The following POMT1 variants were observed in gnomAD, a reference collection of about 807,000 sequenced individuals.
The protein encoded by POMT1 is protein O-mannosyl-transferase 1.
A neutral mutation model predicts 101.6 loss-of-function variants in POMT1; 85 were observed. The ratio of observed to expected loss-of-function variants is 0.84; its 90% CI spans 0.70 to 1.00. The LOEUF is 1.00. Among genes scored for constraint, POMT1 ranks in the 50% least tolerant of loss-of-function variants. POMT1 has a pLI of 0.00. For synonymous variants in POMT1, 371 were observed against 383.0 expected (o/e 0.97, Z 0.37); for missense variants, 857 against 930.4 (o/e 0.92, Z 1.03).
At chr9:131,510,984 T>G (rs1946996487) in intron 9 of POMT1, 6 of 295,068 alleles carry the variant, frequency 2.0e-5, no homozygotes, top group South Asian at 1.5e-4. Context: ...GCCAGTGCTG[T>G]AGTGCTGTGT....
chr9:131,517,770 TTTCAGGTGTCTGAAGTTCA>T (rs1200769217), intron 13 of POMT1, among the ~76,000 whole-genome samples: 1 of 152,206 alleles, frequency 6.6e-6, no homozygotes, highest in Non-Finnish European at 1.5e-5. Flanking sequence ...GGAGCCCACA[TTTCAGGTGTCTGAAGTTCA>T]TAGAACAAGG....
At chr9:131,507,759 A>G (rs1946174508) in intron 5 of POMT1, among the ~76,000 whole-genome samples, 1 of 152,150 alleles carries the variant, frequency 6.6e-6, no homozygotes, top group Non-Finnish European at 1.5e-5. Context: ...TGCTGCTGCA[A>G]AGTCCATGCA....
At chr9:131,506,769 T>C (rs971019158) in intron 4 of POMT1, 11 of 400,888 alleles carry the variant, frequency 2.7e-5, no homozygotes, top group Non-Finnish European at 4.7e-5. Flanking sequence ...CACAATGTTT[T>C]TGAAAATAGG....
chr9:131,521,072 A>G (rs1295798121), intron 17 of POMT1: 3 of 464,770 alleles, frequency 6.5e-6, no homozygotes, highest in Non-Finnish European at 1.2e-5. Context: ...CAAACTCCTG[A>G]CTTCAGGTGA....
Position 131,515,520 on chromosome 9 carries a change from C to G in POMT1, c.1270C>G (p.Leu424Val). 1 of 1,613,946 alleles carries G rather than the reference C, an allele frequency of 6.2e-7. No homozygotes were observed. The highest frequency in any genetic ancestry group is 8.5e-7 in the Non-Finnish European group (1 of 1,179,824). Residue 424 changes from leucine (L) to valine (V), a missense_variant and splice_region_variant, in exon 13 of 20, where the codon CTG becomes GTG. Physicochemically the swap from Leu to Val is conservative, Grantham distance 32 (BLOSUM62 1). Transcript: ENST00000402686. The part of the protein sequence containing the change: ...ISMPAQNLWR[L>V]EIVNRGSDTD... ...CATGCCCGCCCAGAACCTCTGGAGA[C>G]TGGTGAGTAAGGCTGCGGCTATAGC...
In POMT1 at chr9:131,510,280, G is replaced by A. The variant is rs1166488204; in HGVS notation, c.720G>A (p.Leu240=). The change falls in exon 9 of 20, where the codon TTG becomes TTA. Residue 240 remains leucine (L), a synonymous_variant. Coordinates refer to ENST00000402686, the MANE Select transcript of POMT1 (RefSeq NM_001077365.2). ...GGCAGGTCTGTGTGTTCTGTCACTT[G>A]CTCGCCCGAGCAGTGGCTTTGCTGG... The part of the protein sequence containing the change: ...TLSNVCVFCH[L]LARAVALLVI... 1.2e-6 allele frequency: 2 copies of A among 1,614,204 alleles called. No homozygotes were observed. Among genetic ancestry groups the A allele is most frequent in the Non-Finnish European group, 1.7e-6 (2 of 1,180,036 alleles).
intron 13 of POMT1, among the ~76,000 whole-genome samples, chr9:131,517,833 GC>G (rs1949042168): frequency 6.6e-6 from 1 of 152,218 alleles, no homozygotes; most frequent in African/African-American, 2.4e-5. Context: ...TGCGCGCCCG[GC>G]CTGCGGCATG....
rs1014272067 is a variant in POMT1 at position 131,519,295 on chromosome 9, C to G, written c.1487-94C>G. Reference sequence around the variant, plus strand: ...CGATAAGGGGTCTTTGTTAGAAAGGCAGGAAGCCAGCTTTTTGCTGCACTG... The same window carrying G: ...CGATAAGGGGTCTTTGTTAGAAAGGGAGGAAGCCAGCTTTTTGCTGCACTG... On this transcript the variant is annotated intron_variant, in intron 15 of 19. Transcript: ENST00000402686. This position sits in a 1 kb window ranked among gnomAD's most constrained non-coding sequence, Gnocchi z 4.3. The G allele has an allele frequency of 7.8e-7, 1 of 1,275,332 alleles. No homozygotes were observed. Among genetic ancestry groups the G allele is most frequent in the Non-Finnish European group, 1.1e-6 (1 of 902,646 alleles). The allele number at this position is 1,275,332 out of a possible 1,614,324, so 79.0% of individuals were successfully genotyped here.
In POMT1 at chr9:131,522,162, A is replaced by G. The variant is rs1429119596; in HGVS notation, c.1941A>G (p.Ala647=). 6 of 1,613,974 alleles carry G rather than the reference A, an allele frequency of 3.7e-6. No homozygotes were observed. Among genetic ancestry groups the G allele is most frequent in the Admixed American group, 1.7e-5 (1 of 60,024 alleles). Residue 647 remains alanine, a synonymous_variant, in exon 19 of 20, where the codon GCA becomes GCG. Transcript: ENST00000402686. This position sits in a 1 kb window ranked among gnomAD's most constrained non-coding sequence, Gnocchi z 5.5. ...TCTTCCTCTACCACTACCTGCCCGC[A>G]CTCACCTTCCAAATCCTTCTGCTCC... ...KTLFLYHYLP[A]LTFQILLLPV...
rs775365655 is a variant in POMT1 at position 131,521,348 on chromosome 9, T to A, written c.1701T>A (p.Ala567=). Residue 567 remains alanine, a splice_region_variant and synonymous_variant, in exon 18 of 20, where the codon GCT becomes GCA. Coordinates refer to ENST00000402686, the MANE Select transcript of POMT1 (RefSeq NM_001077365.2). The stretch of plus-strand genomic sequence containing the variant: ...CAGCATCTCCCATGTTCCCTTAGGC[T>A]CAGATCCACCTACTTGGAAACATAG... The part of the protein sequence containing the change: ...IAYWLHPRTS[A]QIHLLGNIVI... 1.2e-6 allele frequency: 2 copies of A among 1,614,060 alleles called. No homozygotes were observed. The highest frequency in any genetic ancestry group is 2.7e-5 in the African/African-American group (2 of 74,920).
In POMT1 at chr9:131,518,966, G is replaced by A. The variant is rs547775333; in HGVS notation, c.1486+9G>A. 2.9e-5 allele frequency: 47 copies of A among 1,613,364 alleles called. 1 individual carries two copies. The highest frequency in any genetic ancestry group is 2.0e-4 in the African/African-American group (15 of 75,046). On this transcript the variant is annotated intron_variant, in intron 15 of 19. Transcript: ENST00000402686. ...GCACCGATACGGCGCGAGTGAGTCC[G>A]CGGCGTGGCTTCCGCCGCTCCTGGA...
chr9:131,523,309 A>C lies in POMT1; in HGVS notation c.*203A>C. The stretch of plus-strand genomic sequence containing the variant: ...TTTGTGCAAAGTTAATTTTTTCTCG[A>C]CAATAAAGATATTCCGTGTCTTTAC... On this transcript the variant is annotated 3_prime_UTR_variant, in exon 20 of 20. Coordinates refer to ENST00000402686, the MANE Select transcript of POMT1 (RefSeq NM_001077365.2). 1 of 644,706 alleles carries C rather than the reference A, an allele frequency of 1.6e-6. No homozygotes were observed. Among genetic ancestry groups the C allele is most frequent in the South Asian group, 1.9e-5 (1 of 53,984 alleles). 39.9% of individuals were successfully genotyped at this position (644,706 alleles called of 1,614,324 possible). A position where few individuals can be genotyped will look rare whatever the true frequency, so the allele number is the denominator to read the frequency against.
Position 131,511,318 on chromosome 9 carries a change from C to G in POMT1, c.856-19C>G, listed in dbSNP as rs778041513. On this transcript the variant is annotated intron_variant, in intron 9 of 19. Coordinates refer to ENST00000402686, the MANE Select transcript of POMT1 (RefSeq NM_001077365.2). ...TTTCTTTCTGTCTCTCACTCATCAA[C>G]CTTCTGCTTCTGTCTCAGGGAGGAC... The G allele has an allele frequency of 6.2e-7, 1 of 1,601,432 alleles. No homozygotes were observed. Among genetic ancestry groups the G allele is most frequent in the African/African-American group, 1.3e-5 (1 of 74,772 alleles).
At chr9:131,521,928 G>A (rs973545319) in intron 18 of POMT1, 119 bp from the exon 19 acceptor site, 19 of 1,559,664 alleles carry the variant, frequency 1.2e-5, no homozygotes, top group Non-Finnish European at 1.6e-5. Flanking sequence ...CCTGAGGCCA[G>A]GAGTTCAAAA....
chr9:131,505,940 A>G (rs1279244229), intron 2 of POMT1, among the ~76,000 whole-genome samples, 174 bp from the exon 3 acceptor site: 1 of 152,164 alleles, frequency 6.6e-6, no homozygotes, highest in Non-Finnish European at 1.5e-5. Flanking sequence ...TGGGTGGGTG[A>G]TGCTGTATGC....
rs748485512 is a variant in POMT1 at position 131,510,313 on chromosome 9, G to A, written c.753G>A (p.Pro251=). ...GAGCAGTGGCTTTGCTGGTCATCCC[G>A]GTCGTCCTGTACTTACTGTTCTTCT... is the stretch of plus-strand genomic sequence containing the variant. ...LARAVALLVI[P]VVLYLLFFYV... The change falls in exon 9 of 20, where the codon CCG becomes CCA. Residue 251 remains proline, a synonymous_variant. Coordinates refer to ENST00000402686, the MANE Select transcript of POMT1 (RefSeq NM_001077365.2). 9.9e-6 allele frequency: 16 copies of A among 1,614,050 alleles called. No individual in the cohort carries two copies. Among genetic ancestry groups the A allele is most frequent in the African/African-American group, 4.0e-5 (3 of 74,910 alleles).
chr9:131,511,025 C>T (rs868284563), intron 9 of POMT1: 1 of 313,772 alleles, frequency 3.2e-6, no homozygotes, highest in South Asian at 4.2e-5. Flanking sequence ...TCACCCTAGT[C>T]TTGGTTTTCT....
At position 131,521,395 on chromosome 9, in the gene POMT1, T is replaced by C; in HGVS notation, c.1748T>C (p.Leu583Pro). 2 of 1,614,204 alleles carry C rather than the reference T, an allele frequency of 1.2e-6. No homozygotes were observed. The highest frequency in any genetic ancestry group is 1.7e-6 in the Non-Finnish European group (2 of 1,180,038). ...GNIVIWVSGS[L>P]ALAIYALLSL... is the part of the protein sequence containing the mutation. The stretch of plus-strand genomic sequence containing the variant: ...ATAGTGATCTGGGTTTCGGGCAGCC[T>C]CGCTCTGGCCATCTACGCCCTGCTG... The change falls in exon 18 of 20, where the codon CTC (leucine) becomes CCC (proline). Residue 583 changes from leucine to proline, a missense_variant. Leu to Pro is a moderately conservative substitution (Grantham distance 98). Transcript: ENST00000402686.
Position 131,511,421 on chromosome 9 carries a change from C to A in POMT1, c.940C>A (p.Pro314Thr). The A allele has an allele frequency of 1.9e-6, 3 of 1,614,206 alleles. No individual in the cohort carries two copies. The highest frequency in any genetic ancestry group is 1.3e-5 in the African/African-American group (1 of 75,056). Residue 314 changes from proline to threonine, a missense_variant, in exon 10 of 20, where the codon CCT becomes ACT. By Grantham distance (38) the Pro-to-Thr change is conservative. Transcript: ENST00000402686. ...QVTLRNVFGK[P>T]VPCWLHSHQD... is the part of the protein sequence containing the mutation. ...CACTCTGAGGAACGTCTTTGGGAAACCTGTGCCCTGCTGGCTTCATTCCCA... is the reference window on the plus strand; with the variant it reads ...CACTCTGAGGAACGTCTTTGGGAAAACTGTGCCCTGCTGGCTTCATTCCCA...
Sources: gnomAD v4.1 joint callset for allele counts (sites outside exome capture counted in the v4.1 genomes callset) on GRCh38, gnomAD v4.1.1 for gene constraint, Gnocchi (gnomAD v3.1) non-coding constraint, MANE v1.5 for transcripts, NCBI Gene and HGNC (gene_info 2026-07-23, HGNC 2026-07-21) for gene names.